Variants in GALNTL6 observed in about 807,000 individuals in gnomAD.
GALNTL6 encodes polypeptide N-acetylgalactosaminyltransferase-like 6.
Under a neutral mutation model 73.7 loss-of-function variants are expected in GALNTL6, and 46 were observed. The observed-to-expected ratio is 0.62, with a 90% CI of 0.49 to 0.80. The LOEUF is 0.80. Ranked by LOEUF, GALNTL6 falls within the 30% of genes least tolerant of loss-of-function variation. The pLI is 0.00. For missense variants in GALNTL6, 604 were observed against 755.0 expected, an observed-to-expected ratio of 0.80 and a Z score of 2.34; for synonymous variants, 259 against 263.7, an observed-to-expected ratio of 0.98 and a Z score of 0.17.
intron 5 of GALNTL6, among the ~76,000 whole-genome samples, chr4:172,807,521 C>G (rs543645765): frequency 6.6e-6 from 1 of 152,298 alleles, no homozygotes; most frequent in South Asian, 2.1e-4. Context: ...CAGTCTCACT[C>G]AAGCCTAATT....
intron 5 of GALNTL6, among the ~76,000 whole-genome samples, chr4:172,485,847 T>C (rs1733645812): frequency 6.6e-6 from 1 of 152,180 alleles, no homozygotes; most frequent in Non-Finnish European, 1.5e-5. Context: ...GTTTTTATGT[T>C]GTAAAAGTAA....
chr4:171,818,517 A>ACTTTC (rs59454735), intron 2 of GALNTL6, among the ~76,000 whole-genome samples: 104,870 of 149,840 alleles, frequency 0.7, 36,914 homozygotes, highest in East Asian at 0.82. Context: ...TTTAAAACAG[A>ACTTTC]TCAGAACTGT....
chr4:171,848,197 G>A lies in GALNTL6; in HGVS notation c.138+33479G>A, dbSNP rs868385182. Among the ~76,000 whole-genome samples, 12 of 152,332 alleles carry A rather than the reference G, an allele frequency of 7.9e-5. No homozygotes were observed. In the Middle Eastern group the frequency reaches 0.01, roughly 130 times the overall value. ...TCTTGGGTGACCAGGTGCATTGTCAGTGAGCAGTAATATTTTGAAAGGAAT... is the reference window on the plus strand; with the variant it reads ...TCTTGGGTGACCAGGTGCATTGTCAATGAGCAGTAATATTTTGAAAGGAAT... On this transcript the variant is annotated intron_variant, in intron 2 of 12. Coordinates refer to ENST00000506823, the MANE Select transcript of GALNTL6 (RefSeq NM_001034845.3).
At position 172,849,502 on chromosome 4, in the gene GALNTL6, G is replaced by T. The variant is rs185868975; in HGVS notation, c.924-33288G>T. Among the ~76,000 whole-genome samples the T allele has an allele frequency of 1.8e-3, 268 of 152,266 alleles. 2 individuals carry two copies. The highest frequency in any genetic ancestry group is 6.0e-3 in the African/African-American group (251 of 41,556). On this transcript the variant is annotated intron_variant, in intron 7 of 12. Coordinates refer to ENST00000506823, the MANE Select transcript of GALNTL6 (RefSeq NM_001034845.3). Reference sequence around the variant, plus strand: ...AAAAATGTTGAATGAATGAATGAATGAATGGGAGAGTAGATGGATGAATGA... The same window carrying T: ...AAAAATGTTGAATGAATGAATGAATTAATGGGAGAGTAGATGGATGAATGA...
intron 2 of GALNTL6, among the ~76,000 whole-genome samples, chr4:171,977,033 G>A (rs1194702453): frequency 6.6e-6 from 1 of 152,172 alleles, no homozygotes; most frequent in East Asian, 1.9e-4. Context: ...GAAAAAGAGA[G>A]GGAGCAGAAG....
At chr4:171,896,808 G>T (rs1736930797) in intron 2 of GALNTL6, among the ~76,000 whole-genome samples, 1 of 152,150 alleles carries the variant, frequency 6.6e-6, no homozygotes. Context: ...TGAAAATTAA[G>T]TATGTAGACT....
intron 5 of GALNTL6, among the ~76,000 whole-genome samples, chr4:172,692,467 T>G (rs937429172): frequency 1.3e-5 from 2 of 152,158 alleles, no homozygotes; most frequent in Admixed American, 1.3e-4. Context: ...AGAGATGTAT[T>G]CATTTGAAAG....
chr4:172,739,596 A>C (rs1026991100), intron 5 of GALNTL6, among the ~76,000 whole-genome samples: 1 of 152,198 alleles, frequency 6.6e-6, no homozygotes, highest in African/African-American at 2.4e-5. Context: ...TTCCAAAACT[A>C]ATGTATTTAC....
At chr4:172,792,202 C>A (rs112754013) in intron 5 of GALNTL6, among the ~76,000 whole-genome samples, 98 of 152,110 alleles carry the variant, frequency 6.4e-4, no homozygotes, top group African/African-American at 2.3e-3. Context: ...ACAAAATGAG[C>A]GCAAATAAAT....
intron 2 of GALNTL6, among the ~76,000 whole-genome samples, chr4:171,912,323 C>A (rs1344689918): frequency 6.6e-6 from 1 of 151,994 alleles, no homozygotes; most frequent in African/African-American, 2.4e-5. Context: ...TTTGCCATTT[C>A]TTTTAATTTG....
intron 2 of GALNTL6, among the ~76,000 whole-genome samples, chr4:172,204,382 G>A (rs1170758310): frequency 6.6e-6 from 1 of 152,130 alleles, no homozygotes; most frequent in Non-Finnish European, 1.5e-5. Context: ...CAACCTGTCT[G>A]ATACTGAAAG....
chr4:172,424,204 AT>A (rs1234098405), intron 5 of GALNTL6, among the ~76,000 whole-genome samples: 1 of 152,062 alleles, frequency 6.6e-6, no homozygotes, highest in African/African-American at 2.4e-5. Flanking sequence ...TAACTTGTAA[AT>A]TTTTTGATTT....
chr4:172,827,066 G>T (rs1742310336), intron 7 of GALNTL6, among the ~76,000 whole-genome samples: 1 of 152,160 alleles, frequency 6.6e-6, no homozygotes, highest in South Asian at 2.1e-4. Flanking sequence ...AAGAGGCTTT[G>T]TCCTCACTTG....
At position 171,921,992 on chromosome 4, in the gene GALNTL6, A is replaced by G. The variant is rs1012155236; in HGVS notation, c.138+107274A>G. Among the ~76,000 whole-genome samples the G allele has an allele frequency of 5.9e-5, 9 of 152,048 alleles. No homozygotes were observed. In the South Asian group the frequency reaches 6.2e-4, roughly 10 times the overall value. On this transcript the variant is annotated intron_variant, in intron 2 of 12. Transcript: ENST00000506823. ...CTGCATCATTTTTATGGTTGTCCAA[A>G]AGCTTCTAATTTTGTAATTCTATAA... is the stretch of plus-strand genomic sequence containing the variant.
At chr4:172,151,802 A>G (rs1734093596) in intron 2 of GALNTL6, among the ~76,000 whole-genome samples, 1 of 151,868 alleles carries the variant, frequency 6.6e-6, no homozygotes, top group South Asian at 2.1e-4. Flanking sequence ...TTCTCCCTAC[A>G]CTTGGGTAGC....
intron 5 of GALNTL6, among the ~76,000 whole-genome samples, chr4:172,785,191 G>A (rs1433032870): frequency 6.6e-6 from 1 of 152,066 alleles, no homozygotes; most frequent in African/African-American, 2.4e-5. Context: ...ATTTGTGAAC[G>A]AAGTAATGAT....
chr4:172,103,004 G>A (rs935748552), intron 2 of GALNTL6, among the ~76,000 whole-genome samples: 4 of 152,158 alleles, frequency 2.6e-5, no homozygotes, highest in Non-Finnish European at 4.4e-5. Flanking sequence ...GAAGACCTCT[G>A]GTCAAGGCCT....
At chr4:172,343,949 C>T (rs769570243) in intron 4 of GALNTL6, among the ~76,000 whole-genome samples, 2 of 152,094 alleles carry the variant, frequency 1.3e-5, no homozygotes, top group African/African-American at 2.4e-5. Flanking sequence ...GATGTCCTTA[C>T]CTCTGAGCCA....
intron 5 of GALNTL6, among the ~76,000 whole-genome samples, chr4:172,593,015 A>T (rs1737711468): frequency 6.6e-6 from 1 of 152,156 alleles, no homozygotes; most frequent in Non-Finnish European, 1.5e-5. Flanking sequence ...AATAATACTC[A>T]TTAAGTGCTT....
Sources: gnomAD v4.1 joint callset for allele counts (sites outside exome capture counted in the v4.1 genomes callset) on GRCh38, gnomAD v4.1.1 for gene constraint, MANE v1.5 for transcripts, NCBI Gene and HGNC (gene_info 2026-07-23, HGNC 2026-07-21) for gene names.